The following SLC22A16 variants were observed in gnomAD, a reference collection of about 807,000 sequenced individuals.
The protein encoded by SLC22A16 is WUGSC:RG331P03.1.
Under a neutral mutation model 52.9 loss-of-function variants are expected in SLC22A16, and 53 were observed. That is an observed-to-expected ratio of 1.00 (90% CI 0.80 to 1.26). The LOEUF is 1.26. SLC22A16 is among the 50% of genes most tolerant of loss of function. SLC22A16 has a pLI of 0.00. For missense variants in SLC22A16, 726 were observed against 704.0 expected, an observed-to-expected ratio of 1.03 and a Z score of -0.35; for synonymous variants, 291 against 268.8, an observed-to-expected ratio of 1.08 and a Z score of -0.81.
At chr6:110,447,735 T>A (rs563841530) in intron 2 of SLC22A16, among the ~76,000 whole-genome samples, 66 of 152,318 alleles carry the variant, frequency 4.3e-4, no homozygotes, top group Non-Finnish European at 7.2e-4. Context: ...GTTCTGGACA[T>A]TTCCCATAAA....
Position 110,442,692 on chromosome 6 carries a change from A to G in SLC22A16, c.735T>C (p.His245=). ...TTCCAACTGCAAAAAAGGAATGCAAATGGACAGACGCCCATGTCCGAGACT... is the reference window on the plus strand; with the variant it reads ...TTCCAACTGCAAAAAAGGAATGCAAGTGGACAGACGCCCATGTCCGAGACT... ...GMKSRTWASV[H]LHSFFAVGTL... is the part of the protein sequence containing the mutation. Residue 245 remains histidine (H), a synonymous_variant, in exon 4 of 8, where the codon CAT becomes CAC. Transcript: ENST00000368919. The G allele has an allele frequency of 1.9e-6, 3 of 1,614,166 alleles. No individual in the cohort carries two copies. The highest frequency in any genetic ancestry group is 2.5e-6 in the Non-Finnish European group (3 of 1,179,970).
chr6:110,453,540 C>A (rs1775464427), intron 2 of SLC22A16: 2 of 445,136 alleles, frequency 4.5e-6, no homozygotes, highest in South Asian at 3.2e-5. Flanking sequence ...CGTTAGCAAG[C>A]AGTAGGGCAG....
chr6:110,451,934 T>G (rs1775394348), intron 2 of SLC22A16, among the ~76,000 whole-genome samples: 1 of 152,210 alleles, frequency 6.6e-6, no homozygotes, highest in Non-Finnish European at 1.5e-5. Flanking sequence ...GAACTGCTGT[T>G]GTACTGTAAA....
chr6:110,426,915 A>C (rs1254000737), intron 7 of SLC22A16, among the ~76,000 whole-genome samples: 1 of 151,350 alleles, frequency 6.6e-6, no homozygotes, highest in African/African-American at 2.4e-5. Flanking sequence ...GTGCCACTGA[A>C]CTCCAGCCTG....
At chr6:110,472,559 C>T (rs1305392945) in intron 1 of SLC22A16, among the ~76,000 whole-genome samples, 1 of 152,144 alleles carries the variant, frequency 6.6e-6, no homozygotes, top group Non-Finnish European at 1.5e-5. Flanking sequence ...CACATAAACA[C>T]ACTTTCCATG....
intron 1 of SLC22A16, among the ~76,000 whole-genome samples, chr6:110,475,763 A>G (rs1386607732): frequency 6.6e-6 from 1 of 152,192 alleles, no homozygotes; most frequent in Admixed American, 6.5e-5. Context: ...ACTCTGAGTC[A>G]GATAGAGGAG....
At chr6:110,457,896 T>G (rs966117420) in intron 1 of SLC22A16, among the ~76,000 whole-genome samples, 9 of 152,072 alleles carry the variant, frequency 5.9e-5, no homozygotes, top group Non-Finnish European at 1.3e-4. Context: ...GGAGTCTCCC[T>G]TTCCCCAGGG....
At chr6:110,433,826 G>A (rs895654734) in intron 6 of SLC22A16, among the ~76,000 whole-genome samples, 2 of 152,286 alleles carry the variant, frequency 1.3e-5, no homozygotes, top group South Asian at 2.1e-4. Context: ...ACTGCAGATA[G>A]GAAACTATTA....
At chr6:110,456,422 T>C in intron 2 of SLC22A16, 116 bp downstream of exon 2, 1 of 1,266,538 alleles carries the variant, frequency 7.9e-7, no homozygotes, top group Non-Finnish European at 1.1e-6. Flanking sequence ...GAGGTAGGTA[T>C]TTAGATAGGA....
chr6:110,449,768 C>T (rs1216030089), intron 2 of SLC22A16, among the ~76,000 whole-genome samples: 5 of 152,272 alleles, frequency 3.3e-5, no homozygotes, highest in Admixed American at 6.5e-5. Flanking sequence ...CTGCTTTTCC[C>T]GCTTTCACTC....
At chr6:110,464,619 G>A (rs1775998885) in intron 1 of SLC22A16, among the ~76,000 whole-genome samples, 1 of 151,860 alleles carries the variant, frequency 6.6e-6, no homozygotes, top group Non-Finnish European at 1.5e-5. Flanking sequence ...CCAATAACGA[G>A]TAATGAAATT....
rs757449055 is a variant in SLC22A16 at position 110,442,323 on chromosome 6, AG to A, written c.1103del (p.Thr368MetfsTer11). ...AAAACGAGTAGAATCCCAAACTTCC[AG>A]TGAACCAGATTAGCCAAACGGTAAG... ...RTLTVWLIWFTGSLGFYSFSL... is the reference protein window; with the variant it reads ...RTLTVWLIWFXGSLGFYSFSL... On this transcript the variant is annotated frameshift_variant, in exon 4 of 8. Transcript: ENST00000368919. LOFTEE classifies it high-confidence loss of function. The A allele has an allele frequency of 6.2e-7, 1 of 1,614,232 alleles. No homozygotes were observed. Among genetic ancestry groups the A allele is most frequent in the South Asian group, 1.1e-5 (1 of 91,084 alleles).
chr6:110,469,159 TTACTC>T (rs1008371977), intron 1 of SLC22A16, among the ~76,000 whole-genome samples: 6 of 152,184 alleles, frequency 3.9e-5, no homozygotes, highest in Admixed American at 1.3e-4. Context: ...TCTCCCCTCT[TTACTC>T]TACTCTATTC....
intron 4 of SLC22A16, among the ~76,000 whole-genome samples, chr6:110,439,754 T>C (rs1482115556): frequency 1.3e-5 from 2 of 152,344 alleles, no homozygotes; most frequent in East Asian, 3.9e-4. Context: ...AGGTTTCTAA[T>C]ATTTCTCTCA....
At chr6:110,425,881 T>C (rs973744972) in intron 7 of SLC22A16, among the ~76,000 whole-genome samples, 1 of 152,244 alleles carries the variant, frequency 6.6e-6, no homozygotes, top group African/African-American at 2.4e-5. Context: ...ACACAATCTG[T>C]CCTTACTTAA....
chr6:110,444,822 G>A (rs1316167790), intron 3 of SLC22A16, among the ~76,000 whole-genome samples: 1 of 152,162 alleles, frequency 6.6e-6, no homozygotes, highest in Non-Finnish European at 1.5e-5. Flanking sequence ...CAATCCAGAA[G>A]TCGCTTTTGG....
At chr6:110,430,628 G>A (rs749283742) in intron 7 of SLC22A16, among the ~76,000 whole-genome samples, 2 of 152,192 alleles carry the variant, frequency 1.3e-5, no homozygotes, top group Non-Finnish European at 2.9e-5. Context: ...CCCTACCTGA[G>A]GATCTGCAAA....
In SLC22A16 at chr6:110,438,760, C is replaced by T. The variant is rs377285123; in HGVS notation, c.1271G>A (p.Cys424Tyr). 2 of 1,613,944 alleles carry T rather than the reference C, an allele frequency of 1.2e-6. No homozygotes were observed. Among genetic ancestry groups the T allele is most frequent in the Non-Finnish European group, 1.7e-6 (2 of 1,180,002 alleles). The stretch of plus-strand genomic sequence containing the variant: ...AACGACACCACAGGCCAGTGCACTG[C>T]AGAAAAGAGAGTAGGCCAGGACTGT... The part of the protein sequence containing the change: ...RRTVLAYSLF[C>Y]SALACGVVMV... Residue 424 changes from cysteine (C) to tyrosine (Y), a missense_variant, in exon 5 of 8, where the codon TGC becomes TAC. Transcript: ENST00000368919.
chr6:110,458,021 T>G (rs940499518), intron 1 of SLC22A16, among the ~76,000 whole-genome samples: 10 of 152,316 alleles, frequency 6.6e-5, no homozygotes, highest in African/African-American at 2.2e-4. Flanking sequence ...GCTTCAGTGG[T>G]CACGCTCCTG....
Sources: allele counts gnomAD v4.1 joint callset (sites outside exome capture counted in the v4.1 genomes callset), GRCh38; gene constraint gnomAD v4.1.1; transcripts MANE v1.5; gene names NCBI Gene and HGNC (gene_info 2026-07-23, HGNC 2026-07-21).